Variants in CNMD observed in about 807,000 individuals in gnomAD.
CNMD encodes the protein chondromodulin.
CNMD carries 30 observed loss-of-function variants against 37.5 expected under a neutral mutation model. That is an observed-to-expected ratio of 0.80 (90% confidence interval 0.60 to 1.09). The LOEUF (loss-of-function observed/expected upper bound fraction) is 1.09. Among genes scored for constraint, CNMD ranks in the 50% least tolerant of loss-of-function variants. The probability of loss-of-function intolerance (pLI) is 0.00; values close to 1 mark genes in which losing one functional copy is unlikely to be tolerated. For synonymous variants in CNMD, 167 were observed against 148.2 expected, an observed-to-expected ratio of 1.13 and a Z score of -0.92; for missense variants, 398 against 423.9, an observed-to-expected ratio of 0.94 and a Z score of 0.54.
chr13:52,709,637 A>G (rs887347219), intron 5 of CNMD, among the ~76,000 whole-genome samples: 1 of 152,114 alleles, frequency 6.6e-6, no homozygotes, highest in Non-Finnish European at 1.5e-5. Context: ...AGTTTACCAC[A>G]TAGCCTCATG....
At chr13:52,726,627 G>T (rs575460026) in intron 3 of CNMD, among the ~76,000 whole-genome samples, 1 of 151,772 alleles carries the variant, frequency 6.6e-6, no homozygotes, top group South Asian at 2.1e-4. Flanking sequence ...TTAAAAAACT[G>T]TAATAAGCAA....
chr13:52,724,603 CAAAA>C (rs1285894977), intron 3 of CNMD, among the ~76,000 whole-genome samples: 8 of 151,116 alleles, frequency 5.3e-5, no homozygotes, highest in African/African-American at 1.7e-4. Flanking sequence ...AAAACAAAAA[CAAAA>C]AACAAACAAA....
chr13:52,731,999 C>T (rs574435131), intron 3 of CNMD, among the ~76,000 whole-genome samples: 5 of 152,238 alleles, frequency 3.3e-5, no homozygotes, highest in Non-Finnish European at 7.3e-5. Context: ...GTCCCCAGGG[C>T]AGAGACCATT....
rs556760401 is a variant in CNMD at position 52,721,730 on chromosome 13, C to A, written c.468+2267G>T. Among the ~76,000 whole-genome samples, 4 of 152,332 alleles carry A rather than the reference C, an allele frequency of 2.6e-5. No individual in the cohort carries two copies. In the South Asian group the frequency reaches 8.3e-4, roughly 32 times the overall value. ...CTGGGAGCTGCAAACTGGAGCTGTTCCTATTCGGCCATCTCTATATATACT... is the reference window on the plus strand; with the variant it reads ...CTGGGAGCTGCAAACTGGAGCTGTTACTATTCGGCCATCTCTATATATACT... On this transcript the variant is annotated intron_variant, in intron 4 of 6. Coordinates refer to ENST00000377962, the MANE Select transcript of CNMD (RefSeq NM_007015.3).
intron 3 of CNMD, among the ~76,000 whole-genome samples, chr13:52,725,755 C>T (rs1174823602): frequency 6.6e-6 from 1 of 152,090 alleles, no homozygotes; most frequent in Non-Finnish European, 1.5e-5. Flanking sequence ...AGAAATGGTA[C>T]CAGGGCCAGT....
Position 52,737,189 on chromosome 13 carries a change from C to T in CNMD, c.213+1842G>A, listed in dbSNP as rs116480399. 5.8e-3 allele frequency among the ~76,000 whole-genome samples: 876 copies of T among 152,224 alleles called. 7 individuals carry two copies. Among genetic ancestry groups the T allele is most frequent in the African/African-American group, 0.02 (815 of 41,534 alleles). ...CTTACCTTTTTTGATTACGTTTTGT[C>T]TGAGCTATTTAGATTTGTATTCAGG... On this transcript the variant is annotated intron_variant, in intron 2 of 6. Transcript: ENST00000377962.
chr13:52,717,647 T>C (rs1367186358), intron 4 of CNMD, among the ~76,000 whole-genome samples: 2 of 152,206 alleles, frequency 1.3e-5, no homozygotes. Flanking sequence ...ATTATGTTGA[T>C]TGATTTGTGT....
chr13:52,716,821 G>T (rs1306592387), intron 4 of CNMD, among the ~76,000 whole-genome samples: 6 of 152,202 alleles, frequency 3.9e-5, no homozygotes, highest in Admixed American at 2.0e-4. Flanking sequence ...GGATTGTCTT[G>T]GTTATACGGG....
At chr13:52,703,863 G>T in intron 6 of CNMD, 53 bp from the exon 7 acceptor site, 2 of 1,449,246 alleles carry the variant, frequency 1.4e-6, no homozygotes, top group Non-Finnish European at 1.9e-6. Context: ...GAAGGTCATA[G>T]CATGCATGTT....
At chr13:52,726,874 A>G (rs1261925009) in intron 3 of CNMD, among the ~76,000 whole-genome samples, 1 of 152,224 alleles carries the variant, frequency 6.6e-6, no homozygotes, top group African/African-American at 2.4e-5. Context: ...GATATGAATG[A>G]GAAATTTAAT....
Position 52,733,326 on chromosome 13 carries a change from C to T in CNMD, c.247G>A (p.Gly83Arg). ...YNVHYTMSINGKLQDGSMEID... is the reference protein window; with the variant it reads ...YNVHYTMSINRKLQDGSMEID... Reference sequence around the variant, plus strand: ...TCCATTGACCCATCTTGTAATTTCCCATTGATACTCATGGTGTAATGGACA... The same window carrying T: ...TCCATTGACCCATCTTGTAATTTCCTATTGATACTCATGGTGTAATGGACA... Residue 83 changes from glycine to arginine, a missense_variant, in exon 3 of 7, where the codon GGG becomes AGG. Physicochemically the swap from Gly to Arg is moderately radical, Grantham distance 125 (BLOSUM62 -2). Coordinates refer to ENST00000377962, the MANE Select transcript of CNMD (RefSeq NM_007015.3). The T allele has an allele frequency of 6.2e-7, 1 of 1,613,860 alleles. No homozygotes were observed. Among genetic ancestry groups the T allele is most frequent in the Non-Finnish European group, 8.5e-7 (1 of 1,179,776 alleles).
intron 4 of CNMD, among the ~76,000 whole-genome samples, chr13:52,722,591 C>T (rs999220092): frequency 3.3e-5 from 5 of 152,144 alleles, no homozygotes; most frequent in Non-Finnish European, 7.4e-5. Context: ...CCACGTTTTT[C>T]TGACTTCAAA....
intron 6 of CNMD, 139 bp from the exon 7 acceptor site, chr13:52,703,949 T>C (rs1964133113): frequency 3.0e-6 from 2 of 663,244 alleles, no homozygotes; most frequent in African/African-American, 3.6e-5. Context: ...TTGTTTACCC[T>C]GTCATTCATA....
chr13:52,739,194 G>T lies in CNMD; in HGVS notation c.73-23C>A, dbSNP rs1021014005. The T allele has an allele frequency of 8.3e-6, 12 of 1,454,442 alleles. No individual in the cohort carries two copies. The Admixed American group carries it at 2.7e-4, about 33-fold the overall frequency. 90.1% of individuals were successfully genotyped at this position (1,454,442 alleles called of 1,614,324 possible). On this transcript the variant is annotated intron_variant, in intron 1 of 6. Coordinates refer to ENST00000377962, the MANE Select transcript of CNMD (RefSeq NM_007015.3). The surrounding 1 kb of genome is among the most constrained non-coding windows in gnomAD (Gnocchi z 5.4). ...CGCCTGCGGGCCGGGGCGGGAGAGG[G>T]ACCGTCGCGTTTGTGCCGCCAGCAC...
rs574896986 is a variant in CNMD at position 52,704,886 on chromosome 13, A to G, written c.790-1076T>C. On this transcript the variant is annotated intron_variant, in intron 6 of 6. Coordinates refer to ENST00000377962, the MANE Select transcript of CNMD (RefSeq NM_007015.3). ...AGACCAGCCTGGCCAACATGGTGAA[A>G]CCAACCCCATCTCTACTAAAAAATT... Among the ~76,000 whole-genome samples the G allele has an allele frequency of 2.3e-3, 281 of 122,924 alleles. 2 individuals are homozygous for G. Among genetic ancestry groups the G allele is most frequent in the African/African-American group, 8.5e-3 (269 of 31,500 alleles). 80.6% of individuals were successfully genotyped at this position (122,924 alleles called of 152,430 possible).
intron 4 of CNMD, among the ~76,000 whole-genome samples, chr13:52,713,098 G>T (rs1395720105): frequency 6.6e-6 from 1 of 152,154 alleles, no homozygotes; most frequent in Non-Finnish European, 1.5e-5. Context: ...GCTGTACCAT[G>T]TGAATATAAG....
At chr13:52,712,602 C>G in intron 5 of CNMD, 114 bp downstream of exon 5, 1 of 579,750 alleles carries the variant, frequency 1.7e-6, no homozygotes, top group Non-Finnish European at 2.8e-6. Flanking sequence ...CTGCGACATG[C>G]ATCCTGATTT....
chr13:52,728,606 T>C (rs1329606794), intron 3 of CNMD, among the ~76,000 whole-genome samples: 2 of 152,170 alleles, frequency 1.3e-5, no homozygotes, highest in East Asian at 3.9e-4. Flanking sequence ...TTAGGACTCA[T>C]AGTTTGAAAA....
chr13:52,715,497 C>T (rs1566221972), intron 4 of CNMD, among the ~76,000 whole-genome samples: 1 of 152,094 alleles, frequency 6.6e-6, no homozygotes, highest in Non-Finnish European at 1.5e-5. Context: ...GCTATTCTTC[C>T]CCTAGCACTC....
Sources: allele counts gnomAD v4.1 joint callset (sites outside exome capture counted in the v4.1 genomes callset), GRCh38; gene constraint gnomAD v4.1.1; non-coding constraint Gnocchi (gnomAD v3.1); transcripts MANE v1.5; gene names NCBI Gene and HGNC (gene_info 2026-07-23, HGNC 2026-07-21).